The following UNC93A variants were observed in gnomAD, a reference collection of about 807,000 sequenced individuals.
The protein encoded by UNC93A is N-acetylglucosamine transporter UNC93A.
UNC93A carries 43 observed loss-of-function variants against 47.5 expected under a neutral mutation model. That is an observed-to-expected ratio of 0.91 (90% CI 0.71 to 1.17). The LOEUF is 1.17. Ranked by LOEUF, UNC93A falls within the 50% of genes most tolerant of loss-of-function variation. The pLI, the probability that UNC93A is intolerant of heterozygous loss-of-function variation, is 0.00. For missense variants in UNC93A, 605 were observed against 577.6 expected (o/e 1.05, Z -0.49); for synonymous variants, 280 against 258.0 (o/e 1.09, Z -0.82).
At chr6:167,294,827 GC>G (rs1365326138) in intron 2 of UNC93A, 129 bp downstream of exon 2, 3 of 1,024,526 alleles carry the variant, frequency 2.9e-6, no homozygotes, top group Non-Finnish European at 4.2e-6. Context: ...GAGCTCTCCT[GC>G]CCCTGCACCC....
intron 1 of UNC93A, among the ~76,000 whole-genome samples, chr6:167,293,901 C>T (rs1042643599): frequency 2.0e-5 from 3 of 152,222 alleles, no homozygotes; most frequent in African/African-American, 7.2e-5. Flanking sequence ...GGATGGGGCA[C>T]CCAGCACCCT....
intron 1 of UNC93A, among the ~76,000 whole-genome samples, chr6:167,281,933 A>G (rs1562342205): frequency 6.6e-6 from 1 of 152,234 alleles, no homozygotes; most frequent in Non-Finnish European, 1.5e-5. Context: ...ACTCCAAGTC[A>G]TGGTGACATG....
intron 6 of UNC93A, among the ~76,000 whole-genome samples, chr6:167,306,644 G>A (rs889912204): frequency 7.2e-5 from 11 of 152,232 alleles, no homozygotes; most frequent in African/African-American, 2.7e-4. Context: ...CGCAGCCAGA[G>A]GAAGGGCACA....
chr6:167,296,656 T>C (rs768016112), intron 3 of UNC93A, among the ~76,000 whole-genome samples: 2 of 152,208 alleles, frequency 1.3e-5, no homozygotes, highest in African/African-American at 2.4e-5. Context: ...AATGACCAGA[T>C]TTTCAAATGT....
intron 2 of UNC93A, among the ~76,000 whole-genome samples, chr6:167,294,993 G>A (rs1040184570): frequency 4.6e-5 from 7 of 152,090 alleles, no homozygotes; most frequent in Admixed American, 2.6e-4. Flanking sequence ...CTGGCTGGGC[G>A]AGGGTTCCAG....
intron 1 of UNC93A, among the ~76,000 whole-genome samples, chr6:167,285,514 G>C (rs1475118820): frequency 6.6e-6 from 1 of 151,796 alleles, no homozygotes; most frequent in Non-Finnish European, 1.5e-5. Flanking sequence ...CTCGATGGTG[G>C]CCTGACTCGC....
intron 1 of UNC93A, among the ~76,000 whole-genome samples, chr6:167,292,698 G>A (rs1783868136): frequency 6.6e-6 from 1 of 152,202 alleles, no homozygotes; most frequent in African/African-American, 2.4e-5. Flanking sequence ...AGAACTTTGT[G>A]TTGTTGTCAC....
chr6:167,295,415 C>CG (rs1216256125), intron 2 of UNC93A, among the ~76,000 whole-genome samples: 1 of 145,210 alleles, frequency 6.9e-6, no homozygotes, highest in East Asian at 2.0e-4. Context: ...TCGTGCTCCT[C>CG]GCCTCCCTCG....
intron 7 of UNC93A, among the ~76,000 whole-genome samples, chr6:167,312,993 G>A (rs567945565): frequency 2.0e-5 from 3 of 152,138 alleles, no homozygotes; most frequent in East Asian, 1.9e-4. Flanking sequence ...TTCTTCCTCC[G>A]TGTTTCTTAA....
At chr6:167,300,468 G>T (rs1207810356) in intron 4 of UNC93A, among the ~76,000 whole-genome samples, 3 of 152,090 alleles carry the variant, frequency 2.0e-5, no homozygotes, top group Admixed American at 1.3e-4. Context: ...GGAGGCTCAG[G>T]GGGGAGGCTG....
upstream of UNC93A, among the ~76,000 whole-genome samples, chr6:167,288,960 A>T (rs1245283254): frequency 6.6e-6 from 1 of 152,282 alleles, no homozygotes; most frequent in East Asian, 1.9e-4. Flanking sequence ...CTACAGAACC[A>T]CCTCTTTTCT....
intron 6 of UNC93A, 22 bp from the exon 7 acceptor site, chr6:167,307,757 G>C (rs771319694): frequency 6.3e-7 from 1 of 1,583,812 alleles, no homozygotes; most frequent in Non-Finnish European, 8.6e-7. Context: ...ATCGCCTGGC[G>C]GTTTCCCCTC....
intron 1 of UNC93A, among the ~76,000 whole-genome samples, chr6:167,274,482 C>T (rs1783505503): frequency 6.6e-6 from 1 of 152,258 alleles, no homozygotes; most frequent in Admixed American, 6.5e-5. Flanking sequence ...GTTTATCCTC[C>T]TCTTCCTGCC....
Position 167,315,281 on chromosome 6 carries a change from CA to C in UNC93A, c.1204del (p.Ser402AlafsTer17). ...ALGFVIAFGY[S>X]MFLCVHVKLY... ...TGGGCTTCGTCATTGCCTTCGGGTACAGCATGTTTTTGTGCGTGCACGTCAA... is the reference window on the plus strand; with the variant it reads ...TGGGCTTCGTCATTGCCTTCGGGTACGCATGTTTTTGTGCGTGCACGTCAA... On this transcript the variant is annotated frameshift_variant, in exon 8 of 8. Transcript: ENST00000230256. LOFTEE classifies it high-confidence loss of function. 1 of 1,613,004 alleles carries C rather than the reference CA, an allele frequency of 6.2e-7. No homozygotes were observed.
At position 167,308,335 on chromosome 6, in the gene UNC93A, C is replaced by G. The variant is rs540898716; in HGVS notation, c.1108+425C>G. ...CATGCAGAGCCTTCCAAGGAGCCCA[C>G]GGGACGATGGGAGGTGGCAGTGTGA... is the stretch of plus-strand genomic sequence containing the variant. On this transcript the variant is annotated intron_variant, in intron 7 of 7. Transcript: ENST00000230256. 3.3e-5 allele frequency among the ~76,000 whole-genome samples: 5 copies of G among 152,098 alleles called. 1 individual carries two copies. The highest frequency in any genetic ancestry group is 1.2e-4 in the African/African-American group (5 of 41,406).
chr6:167,281,261 G>C (rs1783629191), intron 1 of UNC93A, among the ~76,000 whole-genome samples: 1 of 151,652 alleles, frequency 6.6e-6, no homozygotes, highest in Non-Finnish European at 1.5e-5. Context: ...TCATCCCACG[G>C]AGAGGAGCCC....
In UNC93A at chr6:167,285,581, G is replaced by T. The variant is rs568181593; in HGVS notation, c.-51-5858G>T. On this transcript the variant is annotated intron_variant, in intron 1 of 3. Transcript: ENST00000503433. ...CTGTCGCAAGCACAGGGCTGGAGTC[G>T]TGGAAGCGGCTTCCCTGCAGCTGCT... Among the ~76,000 whole-genome samples, 3 of 151,690 alleles carry T rather than the reference G, an allele frequency of 2.0e-5. 1 individual carries two copies. Among genetic ancestry groups the T allele is most frequent in the Admixed American group, 6.6e-5 (1 of 15,116 alleles).
chr6:167,272,770 T>A (rs994297167), intron 1 of UNC93A, among the ~76,000 whole-genome samples: 3 of 152,220 alleles, frequency 2.0e-5, no homozygotes, highest in Non-Finnish European at 4.4e-5. Flanking sequence ...TAAGATAAGT[T>A]AAGATAACAG....
At chr6:167,287,520 TG>T (rs1210417891), upstream of UNC93A, among the ~76,000 whole-genome samples, 1 of 152,172 alleles carries the variant, frequency 6.6e-6, no homozygotes, top group Non-Finnish European at 1.5e-5. Context: ...TGGAGACCCC[TG>T]GCCCTTTTAT....
Sources: gnomAD v4.1 joint callset for allele counts (sites outside exome capture counted in the v4.1 genomes callset) on GRCh38, gnomAD v4.1.1 for gene constraint, MANE v1.5 for transcripts, NCBI Gene and HGNC (gene_info 2026-07-23, HGNC 2026-07-21) for gene names.